The following TTC21B variants were observed in gnomAD, a reference collection of about 807,000 sequenced individuals.
TTC21B encodes tetratricopeptide repeat domain 21B, also known as tetratricopeptide repeat protein 21B.
A neutral mutation model predicts 175.1 loss-of-function variants in TTC21B; 127 were observed. That is an observed-to-expected ratio of 0.73 (90% confidence interval 0.63 to 0.84). TTC21B has a LOEUF of 0.84. TTC21B is among the 40% of genes least tolerant of loss of function. The probability of loss-of-function intolerance (pLI) is 0.00; values close to 1 mark genes in which losing one functional copy is unlikely to be tolerated. For missense variants in TTC21B, 1,561 were observed against 1,558.3 expected (o/e 1.00, Z -0.03); for synonymous variants, 524 against 524.5 (o/e 1.00, Z 0.01).
chr2:165,930,579 T>C (rs1686851954), intron 8 of TTC21B, among the ~76,000 whole-genome samples: 1 of 152,114 alleles, frequency 6.6e-6, no homozygotes, highest in East Asian at 1.9e-4. Flanking sequence ...TCCTAATGAA[T>C]ATAATGCTTT....
intron 6 of TTC21B, among the ~76,000 whole-genome samples, chr2:165,938,336 C>T (rs1280754072): frequency 1.3e-5 from 2 of 151,738 alleles, no homozygotes; most frequent in Non-Finnish European, 2.9e-5. Context: ...AGCTAAGAAA[C>T]AAAGAAAGAA....
chr2:165,936,083 ATC>A (rs1687128652), intron 6 of TTC21B, among the ~76,000 whole-genome samples: 1 of 147,382 alleles, frequency 6.8e-6, no homozygotes, highest in Non-Finnish European at 1.5e-5. Context: ...AGCTTCAGTA[ATC>A]AAGAGAGTAG....
At chr2:165,917,574 G>T (rs1030422811) in intron 13 of TTC21B, 93 bp from the exon 14 acceptor site, 1 of 1,018,548 alleles carries the variant, frequency 9.8e-7, no homozygotes, top group Non-Finnish European at 1.5e-6. Context: ...AGATCACTGA[G>T]AACAGTCCAT....
intron 11 of TTC21B, among the ~76,000 whole-genome samples, chr2:165,926,803 C>T (rs996733700): frequency 6.6e-6 from 1 of 151,710 alleles, no homozygotes; most frequent in African/African-American, 2.4e-5. Flanking sequence ...TCCCAGTCTA[C>T]ATCTTTCTCC....
rs1684609903 is a variant in TTC21B at position 165,874,750 on chromosome 2, T to C, written c.*5A>G. ...GTTAAACCAACACCTAAGTTAAAAT[T>C]ATTTTCAAGGTCTTAAAGACGCACG... is the stretch of plus-strand genomic sequence containing the variant. On this transcript the variant is annotated 3_prime_UTR_variant, in exon 29 of 29. Transcript: ENST00000243344. The C allele has an allele frequency of 6.2e-7, 1 of 1,612,750 alleles. No homozygotes were observed. Among genetic ancestry groups the C allele is most frequent in the Non-Finnish European group, 8.5e-7 (1 of 1,178,922 alleles).
rs556563609 is a variant in TTC21B, at chr2:165,888,035, A to G, written c.3459+244T>C. ...TGAGAATTAACTTATATACTTTTGA[A>G]GAATTCAGTTTCTGTAGAATTTAAC... is the stretch of plus-strand genomic sequence containing the variant. On this transcript the variant is annotated intron_variant, in intron 25 of 28. Transcript: ENST00000243344. Among the ~76,000 whole-genome samples, 42 of 152,330 alleles carry G rather than the reference A, an allele frequency of 2.8e-4. No individual in the cohort carries two copies. The East Asian group carries it at 7.9e-3, about 29-fold the overall frequency.
At chr2:165,902,228 A>C (rs1364737810) in intron 19 of TTC21B, among the ~76,000 whole-genome samples, 1 of 152,234 alleles carries the variant, frequency 6.6e-6, no homozygotes, top group African/African-American at 2.4e-5. Context: ...CCTTCCTCAG[A>C]GTAAGAATGT....
intron 14 of TTC21B, 79 bp from the exon 15 acceptor site, chr2:165,915,518 G>T: frequency 2.7e-6 from 3 of 1,095,104 alleles, no homozygotes; most frequent in South Asian, 1.3e-5. Flanking sequence ...TTCTCATAAC[G>T]CAGAATGAAT....
chr2:165,880,604 C>A (rs1574061075), intron 27 of TTC21B, 75 bp downstream of exon 27: 2 of 1,518,124 alleles, frequency 1.3e-6, no homozygotes, highest in East Asian at 4.6e-5. Context: ...TGAAAAAAAT[C>A]AAATGCATTT....
chr2:165,903,151 CAAGTT>C (rs1339468943), intron 19 of TTC21B, among the ~76,000 whole-genome samples: 6 of 152,138 alleles, frequency 3.9e-5, no homozygotes, highest in Admixed American at 3.9e-4. Context: ...CCTTTTCCAA[CAAGTT>C]AAGTGGAAAA....
At chr2:165,900,257 C>T (rs1399985672) in intron 20 of TTC21B, among the ~76,000 whole-genome samples, 1 of 152,154 alleles carries the variant, frequency 6.6e-6, no homozygotes, top group Non-Finnish European at 1.5e-5. Flanking sequence ...CAGATAATCT[C>T]TAAGGTATGC....
In TTC21B at chr2:165,927,162, A is replaced by C. The variant is rs74169463; in HGVS notation, c.1386+1973T>G. ...TCCTAGTAGTTATATATATATATAT[A>C]TCCTAACAGTTATATATATATATAT... On this transcript the variant is annotated intron_variant, in intron 11 of 28. Transcript: ENST00000243344. 1.0e-3 allele frequency among the ~76,000 whole-genome samples: 30 copies of C among 28,766 alleles called. 5 individuals carry two copies. The highest frequency in any genetic ancestry group is 2.6e-3 in the South Asian group (2 of 768). The allele number at this position is 28,766 out of a possible 152,430, so 18.9% of individuals were successfully genotyped here. A position where few individuals can be genotyped will look rare whatever the true frequency, so the allele number is the denominator to read the frequency against.
intron 24 of TTC21B, among the ~76,000 whole-genome samples, chr2:165,889,835 TAATTA>T (rs1358101428): frequency 6.6e-6 from 1 of 152,162 alleles, no homozygotes; most frequent in Admixed American, 6.6e-5. Context: ...TCTTGCCTCT[TAATTA>T]AACACTCCTG....
chr2:165,942,082 T>A (rs12612294), intron 5 of TTC21B, among the ~76,000 whole-genome samples: 2,804 of 152,192 alleles, frequency 0.018, 124 homozygotes, highest in Admixed American at 0.1. Context: ...TCAAGAAAAG[T>A]ATATGGCCAA....
At chr2:165,925,399 T>C (rs1027591010) in intron 11 of TTC21B, among the ~76,000 whole-genome samples, 1 of 152,210 alleles carries the variant, frequency 6.6e-6, no homozygotes, top group Admixed American at 6.5e-5. Context: ...TTTAGTAATG[T>C]GATATCAGAA....
rs200990862 is a variant in TTC21B, at chr2:165,917,413, G to A, written c.1743C>T (p.Asp581=). ...QSQKKMGEIA[D]AIKTLHMAMS... ...TTGCCATATGCAGTGTTTTAATTGC[G>A]TCTGCTATTTCTCCCATTTTCTTTT... The change falls in exon 14 of 29, where the codon GAC becomes GAT. Residue 581 remains aspartate (D), a synonymous_variant. Coordinates refer to ENST00000243344, the MANE Select transcript of TTC21B (RefSeq NM_024753.5). 82 of 1,613,850 alleles carry A rather than the reference G, an allele frequency of 5.1e-5. No homozygotes were observed. Among genetic ancestry groups the A allele is most frequent in the African/African-American group, 1.2e-4 (9 of 74,874 alleles).
chr2:165,874,648 T>C lies in TTC21B; in HGVS notation c.*107A>G, dbSNP rs1034750302. On this transcript the variant is annotated 3_prime_UTR_variant, in exon 29 of 29. Coordinates refer to ENST00000243344, the MANE Select transcript of TTC21B (RefSeq NM_024753.5). ...AACCTCTGCTGGAGAAAAAAGGGTA[T>C]ACTTCTAATAACAAAGCACTGAGCT... is the stretch of plus-strand genomic sequence containing the variant. 4 of 971,186 alleles carry C rather than the reference T, an allele frequency of 4.1e-6. No homozygotes were observed. The highest frequency in any genetic ancestry group is 6.5e-6 in the Non-Finnish European group (4 of 611,506). The allele number at this position is 971,186 out of a possible 1,614,324, so 60.2% of individuals were successfully genotyped here.
intron 27 of TTC21B, among the ~76,000 whole-genome samples, chr2:165,876,934 G>A (rs947773506): frequency 1.3e-5 from 2 of 152,166 alleles, no homozygotes; most frequent in African/African-American, 2.4e-5. Flanking sequence ...GAGCACATAG[G>A]AGAGCGACAC....
chr2:165,917,181 CT>C, intron 14 of TTC21B, 75 bp downstream of exon 14: 1 of 1,414,712 alleles, frequency 7.1e-7, no homozygotes, highest in Middle Eastern at 2.0e-4. Context: ...GCCTGGGCAG[CT>C]TTTCATTTTC....
Sources: gnomAD v4.1 joint callset for allele counts (sites outside exome capture counted in the v4.1 genomes callset) on GRCh38, gnomAD v4.1.1 for gene constraint, MANE v1.5 for transcripts, NCBI Gene and HGNC (gene_info 2026-07-23, HGNC 2026-07-21) for gene names.